The following PTPRO variants were observed in gnomAD, a reference collection of about 807,000 sequenced individuals.
The protein encoded by PTPRO is protein tyrosine phosphatase receptor type O.
Under a neutral mutation model 145.2 loss-of-function variants are expected in PTPRO, and 62 were observed. That is an observed-to-expected ratio of 0.43 (90% confidence interval 0.35 to 0.53). The LOEUF (loss-of-function observed/expected upper bound fraction) is 0.53, where lower values mean the gene tolerates loss of function less well. Ranked by LOEUF, PTPRO falls within the 20% of genes least tolerant of loss-of-function variation. The pLI is 0.01. For missense variants in PTPRO, 1,345 were observed against 1,482.7 expected (o/e 0.91, Z 1.53); for synonymous variants, 565 against 514.7 (o/e 1.10, Z -1.32).
At chr12:15,343,015 T>C (rs1032918213) in intron 1 of PTPRO, among the ~76,000 whole-genome samples, 2 of 152,188 alleles carry the variant, frequency 1.3e-5, no homozygotes, top group Non-Finnish European at 2.9e-5. Context: ...ACATTAAAAA[T>C]AGCAAAAATT....
chr12:15,523,384 T>C (rs1482436684), intron 10 of PTPRO, among the ~76,000 whole-genome samples: 1 of 152,240 alleles, frequency 6.6e-6, no homozygotes, highest in Non-Finnish European at 1.5e-5. Context: ...AGTTAGCAGT[T>C]ACTTTAAAAA....
chr12:15,551,575 T>C lies in PTPRO; in HGVS notation c.2462T>C (p.Val821Ala), dbSNP rs1238699149. ...TMVTEMNPNV[V>A]VISVLAILST... ...GTTACAGAGATGAATCCCAATGTGG[T>C]AGTGATCTCCGTGCTGGCCATCCTT... The change falls in exon 15 of 27, where the codon GTA becomes GCA. Residue 821 changes from valine to alanine, a missense_variant. By Grantham distance (64) the Val-to-Ala change is moderately conservative (BLOSUM62 0). This residue lies in a region of PTPRO where 1,130 missense variants were observed against 1,214.7 expected (regional missense o/e 0.93). Transcript: ENST00000281171. 1.2e-6 allele frequency: 2 copies of C among 1,613,690 alleles called. No individual in the cohort carries two copies. Among genetic ancestry groups the C allele is most frequent in the South Asian group, 1.1e-5 (1 of 91,076 alleles).
intron 1 of PTPRO, among the ~76,000 whole-genome samples, chr12:15,407,313 C>T (rs1939674820): frequency 6.6e-6 from 1 of 152,162 alleles, no homozygotes; most frequent in Non-Finnish European, 1.5e-5. Flanking sequence ...TCTGAAGGCT[C>T]ATTGAAATTC....
chr12:15,426,022 A>G lies in PTPRO; in HGVS notation c.76-57952A>G, dbSNP rs184872775. 2.0e-3 allele frequency among the ~76,000 whole-genome samples: 303 copies of G among 151,164 alleles called. 7 individuals carry two copies. The East Asian group carries it at 0.042, about 21-fold the overall frequency. ...TATAAAATTAATTTGAAGAAAACTG[A>G]TATTGTCAAAATAATTAACTTTTTC... is the stretch of plus-strand genomic sequence containing the variant. On this transcript the variant is annotated intron_variant, in intron 1 of 26. Transcript: ENST00000281171.
chr12:15,547,229 A>C (rs1265194939), intron 13 of PTPRO, among the ~76,000 whole-genome samples: 1 of 152,224 alleles, frequency 6.6e-6, no homozygotes, highest in Admixed American at 6.5e-5. Flanking sequence ...GGACAGTCTT[A>C]TTGCAAAATG....
At chr12:15,492,959 A>C (rs1267435895) in intron 2 of PTPRO, among the ~76,000 whole-genome samples, 1 of 152,220 alleles carries the variant, frequency 6.6e-6, no homozygotes, top group Non-Finnish European at 1.5e-5. Context: ...AGACTGACAG[A>C]GCATTCCAAC....
intron 1 of PTPRO, among the ~76,000 whole-genome samples, chr12:15,409,496 A>G (rs1379476758): frequency 6.6e-6 from 1 of 152,182 alleles, no homozygotes; most frequent in African/African-American, 2.4e-5. Context: ...ATCGTCTTAT[A>G]TATAACAAGC....
At chr12:15,371,140 A>G (rs7962873) in intron 1 of PTPRO, among the ~76,000 whole-genome samples, 25,633 of 152,158 alleles carry the variant, frequency 0.17, 5,125 homozygotes, top group African/African-American at 0.48. Context: ...TATTGTATTT[A>G]CAATTAGAAA....
chr12:15,429,404 G>T (rs1262816008), intron 1 of PTPRO, among the ~76,000 whole-genome samples: 2 of 152,288 alleles, frequency 1.3e-5, no homozygotes, highest in East Asian at 3.9e-4. Context: ...AGGGCAGGAT[G>T]ATGATGATCT....
At chr12:15,463,028 A>G (rs547553677) in intron 1 of PTPRO, among the ~76,000 whole-genome samples, 95 of 152,316 alleles carry the variant, frequency 6.2e-4, no homozygotes, top group Non-Finnish European at 1.2e-3. Context: ...ATGCACCAAT[A>G]TATTTGCAAA....
At chr12:15,374,343 A>G (rs781469202) in intron 1 of PTPRO, among the ~76,000 whole-genome samples, 1 of 152,210 alleles carries the variant, frequency 6.6e-6, no homozygotes, top group African/African-American at 2.4e-5. Flanking sequence ...AAAATTTTCA[A>G]ATTAACTTTT....
chr12:15,330,038 T>G (rs1409521873), intron 1 of PTPRO, among the ~76,000 whole-genome samples: 1 of 152,190 alleles, frequency 6.6e-6, no homozygotes. Context: ...TCAGGGAGAC[T>G]TCTACATGCT....
At chr12:15,578,770 G>C in intron 19 of PTPRO, 83 bp from the exon 20 acceptor site, 2 of 1,043,586 alleles carry the variant, frequency 1.9e-6, no homozygotes, top group Non-Finnish European at 2.9e-6. Context: ...ATAGCAAAGG[G>C]CTTGTGAGCA....
chr12:15,453,358 A>G (rs1484611987), intron 1 of PTPRO, among the ~76,000 whole-genome samples: 4 of 152,146 alleles, frequency 2.6e-5, no homozygotes, highest in Non-Finnish European at 5.9e-5. Context: ...CCATAGTCTG[A>G]CATACTTCCT....
intron 7 of PTPRO, among the ~76,000 whole-genome samples, chr12:15,511,844 G>T (rs544498433): frequency 6.6e-6 from 1 of 152,168 alleles, no homozygotes; most frequent in African/African-American, 2.4e-5. Flanking sequence ...GATTACAGGC[G>T]TGAGCCACCG....
chr12:15,422,669 G>C (rs561831103), intron 1 of PTPRO, among the ~76,000 whole-genome samples: 1 of 152,166 alleles, frequency 6.6e-6, no homozygotes, highest in Non-Finnish European at 1.5e-5. Context: ...ATGTAGAAAC[G>C]TGAGCCCAGG....
At chr12:15,451,451 A>T (rs1426515855) in intron 1 of PTPRO, among the ~76,000 whole-genome samples, 3 of 152,172 alleles carry the variant, frequency 2.0e-5, no homozygotes, top group Non-Finnish European at 4.4e-5. Context: ...ACAGAACGTC[A>T]ACAAAGAAAC....
intron 9 of PTPRO, among the ~76,000 whole-genome samples, chr12:15,518,664 A>G (rs889576184): frequency 5.3e-5 from 8 of 152,176 alleles, no homozygotes; most frequent in African/African-American, 1.9e-4. Context: ...CTTCTGCCAG[A>G]TACCCTAAAT....
intron 1 of PTPRO, among the ~76,000 whole-genome samples, chr12:15,472,039 C>T (rs999717671): frequency 1.3e-5 from 2 of 152,192 alleles, no homozygotes; most frequent in Non-Finnish European, 2.9e-5. Context: ...GCCATAAGTG[C>T]TATGTAAGCA....
Sources: gnomAD v4.1 joint callset for allele counts (sites outside exome capture counted in the v4.1 genomes callset) on GRCh38, gnomAD v4.1.1 for gene constraint, gnomAD v4.1.1 regional missense constraint, MANE v1.5 for transcripts, NCBI Gene and HGNC (gene_info 2026-07-23, HGNC 2026-07-21) for gene names.